RSF1: variants seen among roughly 807,000 people sequenced by gnomAD.
The protein encoded by RSF1 is remodeling and spacing factor 1.
RSF1 carries 13 observed loss-of-function variants against 145.2 expected under a neutral mutation model. The observed-to-expected ratio is 0.09, with a 90% confidence interval of 0.06 to 0.14. The LOEUF is 0.14. Among genes scored for constraint, RSF1 ranks in the 10% least tolerant of loss-of-function variants. The probability of loss-of-function intolerance (pLI) is 1.00; values close to 1 mark genes in which losing one functional copy is unlikely to be tolerated. For synonymous variants in RSF1, 577 were observed against 592.6 expected (o/e 0.97, Z 0.38); for missense variants, 1,517 against 1,718.2 (o/e 0.88, Z 2.07).
chr11:77,670,329 C>T (rs1959487949), intron 15 of RSF1, among the ~76,000 whole-genome samples: 1 of 152,152 alleles, frequency 6.6e-6, no homozygotes, highest in African/African-American at 2.4e-5. Context: ...CTGCCTGTAT[C>T]ATTCTTCTTT....
intron 5 of RSF1, among the ~76,000 whole-genome samples, chr11:77,705,888 C>G (rs1250771162): frequency 6.6e-6 from 1 of 151,894 alleles, no homozygotes; most frequent in African/African-American, 2.4e-5. Context: ...ACCCAACAAA[C>G]CAACAAAAAA....
chr11:77,782,922 G>A (rs902999758), intron 1 of RSF1, among the ~76,000 whole-genome samples: 4 of 152,256 alleles, frequency 2.6e-5, no homozygotes, highest in African/African-American at 9.6e-5. Flanking sequence ...TGCAATAACT[G>A]ATATAACTGA....
intron 1 of RSF1, among the ~76,000 whole-genome samples, chr11:77,807,968 G>A (rs541943031): frequency 3.8e-4 from 58 of 152,300 alleles, no homozygotes; most frequent in African/African-American, 1.3e-3. Flanking sequence ...TACAGGAGAC[G>A]AAGTCTAATT....
chr11:77,692,767 T>G (rs1423354209), intron 8 of RSF1, among the ~76,000 whole-genome samples: 1 of 151,290 alleles, frequency 6.6e-6, no homozygotes, highest in Non-Finnish European at 1.5e-5. Context: ...AACCTCTGTC[T>G]CCCGGGTTCA....
At chr11:77,842,768 T>C in the RSF1 span, 6 of 1,207,034 alleles carry the variant, frequency 5.0e-6, no homozygotes, top group Non-Finnish European at 5.8e-6. Flanking sequence ...ATTCACCCTT[T>C]TAAAGTATGC....
At chr11:77,711,485 G>A (rs529673714) in intron 5 of RSF1, among the ~76,000 whole-genome samples, 2,119 of 152,136 alleles carry the variant, frequency 0.014, 49 homozygotes, top group African/African-American at 0.047. Context: ...TGGCCAACAT[G>A]GTGAAACACC....
rs1948009746 is a variant in RSF1, at chr11:77,747,089, C to G, written c.319G>C (p.Glu107Gln). ...CTCATTTCAAGATAGCCCTTCTTCT[C>G]CATCTCCCATGCCCAGGTACTGTTA... The part of the protein sequence containing the change: ...EFNSTWAWEM[E>Q]KKGYLEMSVE... Residue 107 changes from glutamate (E) to glutamine (Q), a missense_variant, in exon 3 of 16, where the codon GAG (glutamate) becomes CAG (glutamine). By Grantham distance (29) the Glu-to-Gln change is conservative. Coordinates refer to ENST00000308488, the MANE Select transcript of RSF1 (RefSeq NM_016578.4). 1.2e-6 allele frequency: 2 copies of G among 1,612,016 alleles called. No individual in the cohort carries two copies. The highest frequency in any genetic ancestry group is 1.1e-5 in the South Asian group (1 of 91,010).
chr11:77,760,975 A>G (rs2135934443), intron 2 of RSF1, among the ~76,000 whole-genome samples: 1 of 151,876 alleles, frequency 6.6e-6, no homozygotes, highest in East Asian at 1.9e-4. Flanking sequence ...GCAGTGGTGC[A>G]ATCTCGGCTC....
the RSF1 span, among the ~76,000 whole-genome samples, chr11:77,853,216 A>G: frequency 6.6e-6 from 1 of 152,218 alleles, no homozygotes; most frequent in Non-Finnish European, 1.5e-5. Context: ...GTAAAAGTGA[A>G]CAGTATTTGT....
At chr11:77,778,224 G>GAA (rs1948367096) in intron 1 of RSF1, among the ~76,000 whole-genome samples, 2 of 67,716 alleles carry the variant, frequency 3.0e-5, no homozygotes, top group African/African-American at 1.2e-4. Flanking sequence ...GGAGGGGAGG[G>GAA]GGTGGGGGAG....
chr11:77,836,829 G>A, the RSF1 span, among the ~76,000 whole-genome samples: 1 of 152,120 alleles, frequency 6.6e-6, no homozygotes, highest in African/African-American at 2.4e-5. Context: ...GCTGGGCATG[G>A]TGGTGGGCAC....
chr11:77,681,860 T>C (rs146919952), intron 11 of RSF1, among the ~76,000 whole-genome samples: 75 of 152,384 alleles, frequency 4.9e-4, no homozygotes, highest in African/African-American at 1.7e-3. Flanking sequence ...TAAAACGCCA[T>C]AGTTAATGCA....
intron 1 of RSF1, among the ~76,000 whole-genome samples, chr11:77,779,849 A>G (rs1948385559): frequency 6.6e-6 from 1 of 152,238 alleles, no homozygotes; most frequent in Non-Finnish European, 1.5e-5. Context: ...TTACTGGCTC[A>G]ACAAATCTGT....
rs71046906 is a variant in RSF1 at position 77,700,349 on chromosome 11, C to CAAAAAAAAAA, written c.2508+362_2508+371dup. On this transcript the variant is annotated intron_variant, in intron 6 of 15. Coordinates refer to ENST00000308488, the MANE Select transcript of RSF1 (RefSeq NM_016578.4). The stretch of plus-strand genomic sequence containing the variant: ...CTGGCGACAGAGCAAGACTGTCTCA[C>CAAAAAAAAAA]AAAAAAAAAAAAAAAAAAAAAAAAA... Among the ~76,000 whole-genome samples the CAAAAAAAAAA allele has an allele frequency of 3.6e-4, 17 of 47,210 alleles. 2 individuals carry two copies. Among genetic ancestry groups the CAAAAAAAAAA allele is most frequent in the African/African-American group, 6.1e-4 (8 of 13,014 alleles). The allele number at this position is 47,210 out of a possible 152,430, so 31.0% of individuals were successfully genotyped here.
chr11:77,820,799 A>G, upstream of RSF1: 1 of 1,380,354 alleles, frequency 7.2e-7, no homozygotes, highest in Non-Finnish European at 9.7e-7. Flanking sequence ...CTTACAGACG[A>G]CAGGAGGCGC....
At chr11:77,830,975 T>C in the RSF1 span, among the ~76,000 whole-genome samples, 1 of 86,682 alleles carries the variant, frequency 1.2e-5, no homozygotes, top group Non-Finnish European at 2.4e-5. Flanking sequence ...ACCCTGTCTC[T>C]ACAAAATATA....
chr11:77,770,104 T>C (rs1948267151), intron 1 of RSF1, among the ~76,000 whole-genome samples: 2 of 152,306 alleles, frequency 1.3e-5, no homozygotes, highest in African/African-American at 4.8e-5. Context: ...TCATCCTAGT[T>C]TTCTGAAAAG....
At chr11:77,757,231 A>G (rs1427872372) in intron 2 of RSF1, among the ~76,000 whole-genome samples, 1 of 152,200 alleles carries the variant, frequency 6.6e-6, no homozygotes, top group East Asian at 1.9e-4. Context: ...CTAGAGCCCT[A>G]GCATAAAGGC....
chr11:77,702,108 A>T lies in RSF1; in HGVS notation c.1121T>A (p.Leu374His), dbSNP rs1382018958. 1 of 1,611,598 alleles carries T rather than the reference A, an allele frequency of 6.2e-7. No individual in the cohort carries two copies. The highest frequency in any genetic ancestry group is 1.7e-5 in the Admixed American group (1 of 59,388). The change falls in exon 6 of 16, where the codon CTT becomes CAT. Residue 374 changes from leucine to histidine, a missense_variant. Leu to His is a moderately conservative substitution (Grantham distance 99). Transcript: ENST00000308488. Reference protein sequence around the residue: ...TEKSTEETEKLKNDQQAKIPL... With the variant: ...TEKSTEETEKHKNDQQAKIPL... ...TATCTTGGCCTGCTGGTCATTTTTA[A>T]GTTTCTCAGTTTCTTCAGTAGATTT...
Sources: allele counts gnomAD v4.1 joint callset (sites outside exome capture counted in the v4.1 genomes callset), GRCh38; gene constraint gnomAD v4.1.1; transcripts MANE v1.5; gene names NCBI Gene and HGNC (gene_info 2026-07-23, HGNC 2026-07-21).